MAGI2: variants seen among roughly 807,000 people sequenced by gnomAD.
The protein encoded by MAGI2 is membrane associated guanylate kinase, WW and PDZ domain containing 2, also known as membrane-associated guanylate kinase, WW and PDZ domain-containing protein 2.
MAGI2 carries 35 observed loss-of-function variants against 133.3 expected under a neutral mutation model. That is an observed-to-expected ratio of 0.26 (90% CI 0.20 to 0.35). The LOEUF (loss-of-function observed/expected upper bound fraction) is 0.35, where lower values mean the gene tolerates loss of function less well. Ranked by LOEUF, MAGI2 falls within the 10% of genes least tolerant of loss-of-function variation. MAGI2 has a pLI of 1.00. For synonymous variants in MAGI2, 729 were observed against 710.6 expected, an observed-to-expected ratio of 1.03 and a Z score of -0.41; for missense variants, 1,636 against 1,863.4, an observed-to-expected ratio of 0.88 and a Z score of 2.25.
At chr7:79,338,287 TG>T (rs1354407158) in intron 1 of MAGI2, among the ~76,000 whole-genome samples, 1 of 152,136 alleles carries the variant, frequency 6.6e-6, no homozygotes, top group African/African-American at 2.4e-5. Context: ...GATTAGTGTG[TG>T]GTTTAGAAAC....
chr7:78,306,380 G>C (rs62463914), intron 9 of MAGI2, among the ~76,000 whole-genome samples: 2 of 152,078 alleles, frequency 1.3e-5, no homozygotes, highest in Non-Finnish European at 2.9e-5. Context: ...ACAGCACTTC[G>C]ATAAGTTATT....
chr7:79,007,934 CTGTT>C (rs1807624012), intron 1 of MAGI2, among the ~76,000 whole-genome samples: 1 of 151,706 alleles, frequency 6.6e-6, no homozygotes, highest in Non-Finnish European at 1.5e-5. Flanking sequence ...AATTTTGCGA[CTGTT>C]TGACCTTATA....
chr7:79,328,392 C>A (rs147627128), intron 1 of MAGI2, among the ~76,000 whole-genome samples: 1 of 152,256 alleles, frequency 6.6e-6, no homozygotes, highest in Admixed American at 6.5e-5. Flanking sequence ...CTTTGTCACC[C>A]TCTTCAGACT....
At chr7:78,897,564 T>C (rs1006898570) in intron 2 of MAGI2, among the ~76,000 whole-genome samples, 6 of 152,260 alleles carry the variant, frequency 3.9e-5, no homozygotes, top group African/African-American at 1.4e-4. Context: ...CAAAGTATCA[T>C]AATTCCTCCA....
At chr7:78,440,052 TCC>T (rs1338564820) in intron 6 of MAGI2, among the ~76,000 whole-genome samples, 2 of 151,948 alleles carry the variant, frequency 1.3e-5, no homozygotes, top group Non-Finnish European at 2.9e-5. Flanking sequence ...ATATAATGGC[TCC>T]CATTATATTT....
intron 3 of MAGI2, among the ~76,000 whole-genome samples, chr7:78,563,986 A>AT (rs896348065): frequency 5.3e-5 from 8 of 152,138 alleles, no homozygotes; most frequent in Non-Finnish European, 8.8e-5. Context: ...TTGAATAGGT[A>AT]TTTTTTTTAA....
chr7:78,920,907 C>T (rs146902038), intron 2 of MAGI2, among the ~76,000 whole-genome samples: 156 of 152,230 alleles, frequency 1.0e-3, no homozygotes, highest in African/African-American at 3.5e-3. Context: ...TTATACAAGA[C>T]TTAATTCCTT....
chr7:78,799,632 A>T (rs1041062889), intron 2 of MAGI2, among the ~76,000 whole-genome samples: 1 of 152,156 alleles, frequency 6.6e-6, no homozygotes, highest in Non-Finnish European at 1.5e-5. Flanking sequence ...ATTTGAGGAA[A>T]TAAGTTTGCT....
intron 7 of MAGI2, among the ~76,000 whole-genome samples, chr7:78,354,980 C>G (rs1158938699): frequency 2.6e-5 from 4 of 152,056 alleles, no homozygotes; most frequent in Non-Finnish European, 5.9e-5. Flanking sequence ...GGTTCAGCAG[C>G]CCCAAGAACA....
chr7:78,600,169 T>C (rs1007966344), intron 3 of MAGI2, among the ~76,000 whole-genome samples: 3 of 152,128 alleles, frequency 2.0e-5, no homozygotes, highest in Non-Finnish European at 4.4e-5. Flanking sequence ...CCTAAATACA[T>C]AAAGAATTAA....
intron 9 of MAGI2, among the ~76,000 whole-genome samples, chr7:78,332,321 GT>G (rs1399894640): frequency 6.6e-6 from 1 of 152,198 alleles, no homozygotes; most frequent in East Asian, 1.9e-4. Context: ...CAATGACGTT[GT>G]TTTTAATCCC....
At chr7:78,805,213 G>A (rs1479380689) in intron 2 of MAGI2, among the ~76,000 whole-genome samples, 3 of 150,464 alleles carry the variant, frequency 2.0e-5, no homozygotes. Context: ...TGTATTAAAT[G>A]CATTTACTAA....
At chr7:78,699,912 A>G (rs1817894130) in intron 2 of MAGI2, among the ~76,000 whole-genome samples, 1 of 152,186 alleles carries the variant, frequency 6.6e-6, no homozygotes, top group Non-Finnish European at 1.5e-5. Context: ...ACATGGAAAC[A>G]AAATAATGTA....
At chr7:78,682,539 C>T (rs1020609839) in intron 2 of MAGI2, among the ~76,000 whole-genome samples, 9 of 152,238 alleles carry the variant, frequency 5.9e-5, no homozygotes, top group East Asian at 1.9e-4. Context: ...TCCCTGCAAA[C>T]GACATGAACT....
intron 2 of MAGI2, among the ~76,000 whole-genome samples, chr7:78,709,427 A>G (rs761050757): frequency 1.3e-5 from 2 of 152,048 alleles, no homozygotes; most frequent in Non-Finnish European, 2.9e-5. Flanking sequence ...ATCCCTCAAT[A>G]CTTACCTGTG....
intron 6 of MAGI2, among the ~76,000 whole-genome samples, chr7:78,408,538 G>A (rs1797593007): frequency 6.6e-6 from 1 of 151,974 alleles, no homozygotes; most frequent in Non-Finnish European, 1.5e-5. Flanking sequence ...AGATCTCTTA[G>A]AGGCTTACTA....
intron 2 of MAGI2, among the ~76,000 whole-genome samples, chr7:78,634,861 C>G (rs1004365882): frequency 2.0e-5 from 3 of 152,004 alleles, no homozygotes; most frequent in African/African-American, 7.2e-5. Flanking sequence ...TGGGACTTTC[C>G]TAAGTGGTGT....
intron 3 of MAGI2, among the ~76,000 whole-genome samples, chr7:78,567,127 CTAAA>C (rs577174708): frequency 1.5e-3 from 227 of 152,270 alleles, no homozygotes; most frequent in African/African-American, 5.2e-3. Flanking sequence ...TTCTAATATA[CTAAA>C]TAATTAACTC....
At chr7:79,427,968 A>G (rs1847508531) in intron 1 of MAGI2, among the ~76,000 whole-genome samples, 1 of 152,160 alleles carries the variant, frequency 6.6e-6, no homozygotes, top group South Asian at 2.1e-4. Context: ...TAACAGAATT[A>G]AGCAGATTAA....
Sources: gnomAD v4.1 joint callset for allele counts (sites outside exome capture counted in the v4.1 genomes callset) on GRCh38, gnomAD v4.1.1 for gene constraint, MANE v1.5 for transcripts, NCBI Gene and HGNC (gene_info 2026-07-23, HGNC 2026-07-21) for gene names.